TRMT11: variants seen among roughly 807,000 people sequenced by gnomAD.
TRMT11 encodes tRNA (guanine(10)-N(2))-methyltransferase TRMT11.
TRMT11 carries 53 observed loss-of-function variants against 62.8 expected under a neutral mutation model. The observed-to-expected ratio is 0.84, with a 90% CI of 0.68 to 1.06. The LOEUF (loss-of-function observed/expected upper bound fraction) is 1.06. Among genes scored for constraint, TRMT11 ranks in the 50% least tolerant of loss-of-function variants. The probability of loss-of-function intolerance (pLI) is 0.00; values close to 1 mark genes in which losing one functional copy is unlikely to be tolerated. For synonymous variants in TRMT11, 188 were observed against 190.3 expected (o/e 0.99, Z 0.10); for missense variants, 556 against 553.4 (o/e 1.00, Z -0.05).
the TRMT11 span, among the ~76,000 whole-genome samples, chr6:126,240,468 G>A: frequency 1.2e-4 from 18 of 152,170 alleles, no homozygotes; most frequent in Admixed American, 1.2e-3. Flanking sequence ...GTTTGCTGGA[G>A]GTCCACTCCA....
chr6:126,151,866 CCTTCTTTCTCCTTCCTTCCTTGTCTT>C (rs1778054687), intron 21 of TRMT11, among the ~76,000 whole-genome samples: 12 of 96,670 alleles, frequency 1.2e-4, no homozygotes, highest in South Asian at 3.3e-4. Flanking sequence ...TTCTTTCTTT[CCTTCTTTCTCCTTCCTTCCTTGTCTT>C]TTTCTTTCTT....
At chr6:126,237,618 C>T in the TRMT11 span, among the ~76,000 whole-genome samples, 1 of 152,018 alleles carries the variant, frequency 6.6e-6, no homozygotes, top group Non-Finnish European at 1.5e-5. Context: ...CAGGTTGAGG[C>T]TGTAGTGAGC....
intron 17 of TRMT11, among the ~76,000 whole-genome samples, chr6:126,054,125 C>T (rs1776299289): frequency 1.3e-5 from 2 of 152,150 alleles, no homozygotes; most frequent in African/African-American, 4.8e-5. Flanking sequence ...ACCTCCTCTC[C>T]CCTTTGGTAA....
At chr6:126,205,897 G>T (rs534725819), downstream of TRMT11, among the ~76,000 whole-genome samples, 28 of 75,990 alleles carry the variant, frequency 3.7e-4, no homozygotes, top group African/African-American at 1.5e-3. Context: ...ATGTGAGAGG[G>T]TACACACACA....
At chr6:125,996,213 A>T (rs1401883885) in intron 3 of TRMT11, among the ~76,000 whole-genome samples, 173 bp downstream of exon 3, 2 of 152,210 alleles carry the variant, frequency 1.3e-5, no homozygotes, top group Non-Finnish European at 2.9e-5. Flanking sequence ...GAAACCAAGG[A>T]TGAAAGAATC....
chr6:126,202,812 G>A (rs1238250445), downstream of TRMT11, among the ~76,000 whole-genome samples: 6 of 152,110 alleles, frequency 3.9e-5, no homozygotes, highest in Admixed American at 2.0e-4. Context: ...CTATGGGGGC[G>A]TCATCTTTGC....
chr6:125,999,422 T>C, intron 6 of TRMT11, 35 bp from the exon 7 acceptor site: 1 of 1,534,746 alleles, frequency 6.5e-7, no homozygotes, highest in Non-Finnish European at 8.8e-7. Flanking sequence ...CTATTCTGTA[T>C]GGCTATACTA....
chr6:126,218,677 G>A, the TRMT11 span, among the ~76,000 whole-genome samples: 10 of 152,304 alleles, frequency 6.6e-5, no homozygotes, highest in South Asian at 4.1e-4. Context: ...TGCCAGCTGC[G>A]CTCCCTGGGG....
the TRMT11 span, among the ~76,000 whole-genome samples, chr6:126,215,536 A>G: frequency 6.6e-6 from 1 of 151,926 alleles, no homozygotes; most frequent in Admixed American, 6.6e-5. Context: ...CTATTTGCAT[A>G]GAAGATCTTT....
intron 12 of TRMT11, among the ~76,000 whole-genome samples, chr6:126,027,934 T>G (rs1028203963): frequency 6.6e-6 from 1 of 152,200 alleles, no homozygotes; most frequent in African/African-American, 2.4e-5. Flanking sequence ...AGAAAATGAC[T>G]TATAGATGGC....
chr6:126,041,208 T>G (rs904653296), downstream of TRMT11, among the ~76,000 whole-genome samples: 1 of 152,114 alleles, frequency 6.6e-6, no homozygotes, highest in Non-Finnish European at 1.5e-5. Context: ...CAACCTTATT[T>G]CAAGTTTTGT....
Position 126,130,379 on chromosome 6 carries a change from G to A in TRMT11, c.*1823+14524G>A, listed in dbSNP as rs73773372. On this transcript the variant is annotated intron_variant and NMD_transcript_variant, in intron 21 of 22. Transcript: ENST00000648977. ...AAAATCCTTTTATATATGTAATATC[G>A]TTTAATCCTTCATCACTATTATTTG... Among the ~76,000 whole-genome samples the A allele has an allele frequency of 5.9e-3, 894 of 152,090 alleles. 11 individuals are homozygous for A. The highest frequency in any genetic ancestry group is 0.02 in the African/African-American group (821 of 41,534).
intron 17 of TRMT11, among the ~76,000 whole-genome samples, chr6:126,084,838 G>A (rs1314027238): frequency 6.6e-6 from 1 of 152,132 alleles, no homozygotes; most frequent in East Asian, 1.9e-4. Context: ...GCCAGACACA[G>A]AAAGACAAAC....
chr6:126,071,219 T>C (rs959475482), intron 17 of TRMT11, among the ~76,000 whole-genome samples: 1 of 151,974 alleles, frequency 6.6e-6, no homozygotes, highest in Non-Finnish European at 1.5e-5. Flanking sequence ...CCCTGTTTCC[T>C]TGGGGGGGTG....
At chr6:126,223,991 A>T in the TRMT11 span, among the ~76,000 whole-genome samples, 1 of 152,200 alleles carries the variant, frequency 6.6e-6, no homozygotes, top group Non-Finnish European at 1.5e-5. Context: ...CAGCTCTGTC[A>T]CACCATTTTG....
Position 126,168,768 on chromosome 6 carries a change from C to T in TRMT11, c.*1824-6057C>T, listed in dbSNP as rs532151081. ...TCCTGACCTTGTGATCTGCCAGCCT[C>T]GGCCTCCCAAAGTGCTGGGATTACA... On this transcript the variant is annotated intron_variant and NMD_transcript_variant, in intron 21 of 22. Coordinates refer to the TRMT11 transcript ENST00000648977. Among the ~76,000 whole-genome samples, 44 of 152,302 alleles carry T rather than the reference C, an allele frequency of 2.9e-4. 1 individual carries two copies. In the South Asian group the frequency reaches 5.2e-3, roughly 18 times the overall value.
At chr6:126,157,957 A>T (rs1385189270) in intron 21 of TRMT11, among the ~76,000 whole-genome samples, 3 of 152,174 alleles carry the variant, frequency 2.0e-5, no homozygotes, top group Non-Finnish European at 4.4e-5. Flanking sequence ...CTTTGTAACC[A>T]ACACTAGATC....
At chr6:126,249,068 A>AC in the TRMT11 span, among the ~76,000 whole-genome samples, 2 of 152,152 alleles carry the variant, frequency 1.3e-5, no homozygotes, top group Non-Finnish European at 2.9e-5. Context: ...TTTTTAATGA[A>AC]CAAGGTATAA....
the TRMT11 span, among the ~76,000 whole-genome samples, chr6:126,241,094 A>T: frequency 6.6e-6 from 1 of 152,202 alleles, no homozygotes. Context: ...CTGATTTTCC[A>T]GGTGCCATCT....
Sources: allele counts gnomAD v4.1 joint callset (sites outside exome capture counted in the v4.1 genomes callset), GRCh38; gene constraint gnomAD v4.1.1; transcripts MANE v1.5; gene names NCBI Gene and HGNC (gene_info 2026-07-23, HGNC 2026-07-21).